Variants in TAF3 observed in about 807,000 individuals in gnomAD.
The protein encoded by TAF3 is transcription initiation factor TFIID subunit 3.
A neutral mutation model predicts 80.6 loss-of-function variants in TAF3; 7 were observed. The observed-to-expected ratio is 0.09, with a 90% CI of 0.05 to 0.16. The LOEUF is 0.16. TAF3 is among the 10% of genes least tolerant of loss of function. The pLI is 1.00. For synonymous variants in TAF3, 444 were observed against 446.1 expected, an observed-to-expected ratio of 1.00 and a Z score of 0.06; for missense variants, 921 against 1,140.2, an observed-to-expected ratio of 0.81 and a Z score of 2.77.
intron 2 of TAF3, among the ~76,000 whole-genome samples, chr10:7,843,097 G>A (rs11255397): frequency 2.6e-5 from 4 of 151,912 alleles, no homozygotes; most frequent in Admixed American, 1.3e-4. Context: ...ATGGAACTGC[G>A]CAGAAGCTGC....
Position 8,009,465 on chromosome 10 carries a change from G to C in TAF3, c.2568+135G>C. ...TATTTACTTAATTATTTTTGAGACA[G>C]GGTCTCCCTGTGTGGCTCAGGCTGG... On this transcript the variant is annotated intron_variant, in intron 5 of 6. Coordinates refer to ENST00000344293, the MANE Select transcript of TAF3 (RefSeq NM_031923.4). This position sits in a 1 kb window ranked among gnomAD's most constrained non-coding sequence, Gnocchi z 4.1. The C allele has an allele frequency of 3.8e-6, 5 of 1,299,672 alleles. No individual in the cohort carries two copies. Among genetic ancestry groups the C allele is most frequent in the Non-Finnish European group, 5.1e-6 (5 of 985,436 alleles). 80.5% of individuals were successfully genotyped at this position (1,299,672 alleles called of 1,614,324 possible). A position where few individuals can be genotyped will look rare whatever the true frequency, so the allele number is the denominator to read the frequency against.
Position 8,009,162 on chromosome 10 carries a change from G to T in TAF3, c.2400G>T (p.Ala800=). ...NRPKTPPPAP[A]PAPGPMLVSP... ...CGAAGACCCCACCGCCGGCCCCCGC[G>T]CCCGCCCCCGGCCCCATGCTCGTCA... Residue 800 remains alanine, a synonymous_variant, in exon 5 of 7, where the codon GCG becomes GCT. Transcript: ENST00000344293. This position sits in a 1 kb window ranked among gnomAD's most constrained non-coding sequence, Gnocchi z 4.1. 5.2e-6 allele frequency: 8 copies of T among 1,545,718 alleles called. No homozygotes were observed. Among genetic ancestry groups the T allele is most frequent in the East Asian group, 2.5e-5 (1 of 40,500 alleles).
intron 1 of TAF3, among the ~76,000 whole-genome samples, chr10:7,819,200 AC>A: frequency 6.6e-6 from 1 of 151,220 alleles, no homozygotes; most frequent in East Asian, 2.0e-4. Context: ...GGGTAGATCC[AC>A]CCCCAGCGTG....
chr10:7,897,463 A>G (rs917776446), intron 2 of TAF3, among the ~76,000 whole-genome samples: 2 of 151,974 alleles, frequency 1.3e-5, no homozygotes, highest in Non-Finnish European at 2.9e-5. Flanking sequence ...GCAAATTTAG[A>G]TTCTTCTCTT....
chr10:7,926,249 A>G (rs1161494985), intron 2 of TAF3, among the ~76,000 whole-genome samples: 1 of 152,154 alleles, frequency 6.6e-6, no homozygotes, highest in African/African-American at 2.4e-5. Flanking sequence ...ATTGGTTCAT[A>G]TTTTAATATA....
chr10:7,838,831 C>T lies in TAF3; in HGVS notation c.409+14271C>T, dbSNP rs1588518741. Among the ~76,000 whole-genome samples, 3 of 151,414 alleles carry T rather than the reference C, an allele frequency of 2.0e-5. No homozygotes were observed. The South Asian group carries it at 6.3e-4, about 32-fold the overall frequency. Reference sequence around the variant, plus strand: ...CTCTCAGATACCTTCCTGTTCATTACCTTGTTAGGCTGGAGTTCCAGGGTC... The same window carrying T: ...CTCTCAGATACCTTCCTGTTCATTATCTTGTTAGGCTGGAGTTCCAGGGTC... On this transcript the variant is annotated intron_variant, in intron 2 of 6. Transcript: ENST00000344293.
intron 2 of TAF3, among the ~76,000 whole-genome samples, chr10:7,909,062 C>T (rs1259009735): frequency 6.6e-6 from 1 of 152,230 alleles, no homozygotes; most frequent in African/African-American, 2.4e-5. Flanking sequence ...CCTTACCAGC[C>T]GTCGCTGGGC....
At chr10:7,908,626 T>G (rs1204749658) in intron 2 of TAF3, among the ~76,000 whole-genome samples, 2 of 152,222 alleles carry the variant, frequency 1.3e-5, no homozygotes, top group Non-Finnish European at 2.9e-5. Flanking sequence ...GCACAGAGCT[T>G]TATCTGTATA....
At chr10:8,008,925 T>C (rs974257193) in intron 4 of TAF3, among the ~76,000 whole-genome samples, 153 bp from the exon 5 acceptor site, 1 of 152,262 alleles carries the variant, frequency 6.6e-6, no homozygotes, top group African/African-American at 2.4e-5. Flanking sequence ...GGCCACTTCA[T>C]GCAGGGCCTG....
chr10:7,886,876 A>G (rs1336068732), intron 2 of TAF3, among the ~76,000 whole-genome samples: 2 of 152,230 alleles, frequency 1.3e-5, no homozygotes, highest in Admixed American at 6.5e-5. Flanking sequence ...AAAATTTTAA[A>G]TACCATCTCT....
chr10:7,968,357 T>C (rs137993542), intron 3 of TAF3, among the ~76,000 whole-genome samples: 4 of 152,328 alleles, frequency 2.6e-5, no homozygotes, highest in African/African-American at 9.6e-5. Context: ...AATCTCCACA[T>C]TTATTTTACC....
chr10:7,885,421 A>G (rs995165671), intron 2 of TAF3, among the ~76,000 whole-genome samples: 1 of 152,010 alleles, frequency 6.6e-6, no homozygotes, highest in Non-Finnish European at 1.5e-5. Flanking sequence ...TCTTATGTAA[A>G]ATATTAATAT....
At chr10:7,915,673 C>T (rs1171787546) in intron 2 of TAF3, among the ~76,000 whole-genome samples, 6 of 139,298 alleles carry the variant, frequency 4.3e-5, no homozygotes, top group Non-Finnish European at 6.2e-5. Context: ...AATCATGGCA[C>T]CCTAGGTTTA....
chr10:7,949,740 A>T (rs1004453760), intron 2 of TAF3, among the ~76,000 whole-genome samples: 2 of 140,068 alleles, frequency 1.4e-5, no homozygotes, highest in Non-Finnish European at 3.2e-5. Flanking sequence ...CTGTGAAGCA[A>T]TTCTTTCTTC....
intron 1 of TAF3, 143 bp from the exon 2 acceptor site, chr10:7,824,174 TA>T: frequency 1.0e-6 from 1 of 982,176 alleles, no homozygotes; most frequent in Non-Finnish European, 1.5e-6. Flanking sequence ...TGATACTCTT[TA>T]AAATCTATTA....
intron 2 of TAF3, among the ~76,000 whole-genome samples, chr10:7,882,991 A>G (rs1357299137): frequency 1.3e-5 from 2 of 152,184 alleles, no homozygotes; most frequent in East Asian, 3.9e-4. Context: ...TTGTCCTTAA[A>G]TATTTCAGTG....
chr10:7,892,341 G>C (rs1440989323), intron 2 of TAF3, among the ~76,000 whole-genome samples: 1 of 152,186 alleles, frequency 6.6e-6, no homozygotes, highest in Non-Finnish European at 1.5e-5. Context: ...GGAGCTTTCA[G>C]CTTCATGGAA....
At chr10:7,882,034 G>A (rs894142627) in intron 2 of TAF3, among the ~76,000 whole-genome samples, 2 of 152,154 alleles carry the variant, frequency 1.3e-5, no homozygotes, top group African/African-American at 4.8e-5. Context: ...CCTACAGTGA[G>A]TTCAAAACTG....
At chr10:7,935,857 G>T (rs1837914565) in intron 2 of TAF3, among the ~76,000 whole-genome samples, 1 of 152,156 alleles carries the variant, frequency 6.6e-6, no homozygotes, top group Non-Finnish European at 1.5e-5. Flanking sequence ...AGATAAAAAT[G>T]GCCTAGTACA....
Sources: allele counts gnomAD v4.1 joint callset (sites outside exome capture counted in the v4.1 genomes callset), GRCh38; gene constraint gnomAD v4.1.1; non-coding constraint Gnocchi (gnomAD v3.1); transcripts MANE v1.5; gene names NCBI Gene and HGNC (gene_info 2026-07-23, HGNC 2026-07-21).